Variants in VTI1A observed in about 807,000 individuals in gnomAD.
The protein encoded by VTI1A is vesicle transport through interaction with t-SNAREs homolog 1A.
In VTI1A, 22 loss-of-function variants were observed where a neutral mutation model predicts 34.9. The ratio of observed to expected loss-of-function variants is 0.63; its 90% confidence interval spans 0.45 to 0.90. VTI1A has a LOEUF of 0.90. Among genes scored for constraint, VTI1A ranks in the 40% least tolerant of loss-of-function variants. VTI1A has a pLI of 0.00. For missense variants in VTI1A, 268 were observed against 275.6 expected (o/e 0.97, Z 0.20); for synonymous variants, 87 against 97.3 (o/e 0.89, Z 0.62).
At chr10:112,546,004 G>T (rs756619033) in intron 5 of VTI1A, among the ~76,000 whole-genome samples, 1 of 139,054 alleles carries the variant, frequency 7.2e-6, no homozygotes, top group Non-Finnish European at 1.5e-5. Flanking sequence ...GTGTATACGC[G>T]TATGTGTGTG....
At chr10:112,757,074 T>A in intron 7 of VTI1A, among the ~76,000 whole-genome samples, 1 of 150,708 alleles carries the variant, frequency 6.6e-6, no homozygotes. Context: ...TGCATCATTA[T>A]GCATTCATTC....
At chr10:112,690,195 G>A (rs1355142252) in intron 7 of VTI1A, among the ~76,000 whole-genome samples, 1 of 152,058 alleles carries the variant, frequency 6.6e-6, no homozygotes, top group Non-Finnish European at 1.5e-5. Context: ...CCAGTTTGGG[G>A]CTATTTTAAA....
intron 7 of VTI1A, among the ~76,000 whole-genome samples, chr10:112,751,475 TA>T (rs11411829): frequency 0.011 from 1,160 of 100,982 alleles, 12 homozygotes; most frequent in African/African-American, 0.029. Flanking sequence ...ATTAACTGTT[TA>T]AAAAAAAAAA....
rs538649206 is a variant in VTI1A at position 112,673,378 on chromosome 10, T to C, written c.560+4380T>C. On this transcript the variant is annotated intron_variant, in intron 7 of 7. Transcript: ENST00000393077. ...GAATGGCATAGATGATTAACACCCA[T>C]TCTGTTTGACAATCTCAAATCAAAT... 1.2e-3 allele frequency among the ~76,000 whole-genome samples: 182 copies of C among 151,452 alleles called. 13 individuals carry two copies. The South Asian group carries it at 0.037, about 31-fold the overall frequency.
In VTI1A at chr10:112,811,712, A is replaced by AAAAAAATAT. The variant is rs67154330; in HGVS notation, c.561-3578_561-3577insAAAAAATAT. Reference sequence around the variant, plus strand: ...AAAAAAAAAAAAAAAAAAAAAAAAAAGAGTGCAGTCCATGCCTGGAAGTAG... The same window carrying AAAAAAATAT: ...AAAAAAAAAAAAAAAAAAAAAAAAAAAAAAAATATGAGTGCAGTCCATGCCTGGAAGTAG... On this transcript the variant is annotated intron_variant, in intron 7 of 7. Transcript: ENST00000393077. Among the ~76,000 whole-genome samples the AAAAAAATAT allele has an allele frequency of 2.4e-5, 2 of 84,046 alleles. 1 individual carries two copies. Among genetic ancestry groups the AAAAAAATAT allele is most frequent in the Non-Finnish European group, 4.5e-5 (2 of 44,324 alleles). 55.1% of individuals were successfully genotyped at this position (84,046 alleles called of 152,430 possible). A position where few individuals can be genotyped will look rare whatever the true frequency, so the allele number is the denominator to read the frequency against.
chr10:112,572,819 A>G (rs1852192488), intron 5 of VTI1A, among the ~76,000 whole-genome samples: 1 of 147,638 alleles, frequency 6.8e-6, no homozygotes, highest in African/African-American at 2.5e-5. Context: ...AGACTGGGCG[A>G]CAGAGCGAGA....
At chr10:112,546,923 A>T (rs533871744) in intron 5 of VTI1A, among the ~76,000 whole-genome samples, 70 of 152,256 alleles carry the variant, frequency 4.6e-4, no homozygotes, top group African/African-American at 1.5e-3. Context: ...ATCTCTTTTT[A>T]AAAAATAAAA....
intron 3 of VTI1A, among the ~76,000 whole-genome samples, chr10:112,465,062 G>T (rs1417473515): frequency 2.0e-5 from 3 of 152,150 alleles, no homozygotes; most frequent in African/African-American, 7.2e-5. Context: ...ATGTTTCCAT[G>T]TGTATTTTTC....
At chr10:112,487,147 A>G (rs1032319501) in intron 3 of VTI1A, among the ~76,000 whole-genome samples, 1 of 152,046 alleles carries the variant, frequency 6.6e-6, no homozygotes, top group African/African-American at 2.4e-5. Context: ...TTTTTGAGAC[A>G]GAGTCACACT....
At chr10:112,693,018 C>T (rs1211130417) in intron 7 of VTI1A, among the ~76,000 whole-genome samples, 2 of 152,236 alleles carry the variant, frequency 1.3e-5, no homozygotes, top group Non-Finnish European at 2.9e-5. Flanking sequence ...TGAAATACCA[C>T]AGCAAACACA....
chr10:112,795,337 T>C (rs1011444304), intron 7 of VTI1A, among the ~76,000 whole-genome samples: 1 of 152,150 alleles, frequency 6.6e-6, no homozygotes, highest in African/African-American at 2.4e-5. Context: ...TAAAATAATT[T>C]GAGTGAAGGA....
At chr10:112,537,264 C>G (rs557534461) in intron 4 of VTI1A, among the ~76,000 whole-genome samples, 1 of 139,138 alleles carries the variant, frequency 7.2e-6, no homozygotes, top group East Asian at 2.1e-4. Context: ...TACACACACA[C>G]GCACACACAC....
chr10:112,551,978 G>C (rs1355389590), intron 5 of VTI1A, among the ~76,000 whole-genome samples: 1 of 152,078 alleles, frequency 6.6e-6, no homozygotes. Flanking sequence ...TATTATTTCA[G>C]AGTAACCATC....
intron 7 of VTI1A, among the ~76,000 whole-genome samples, chr10:112,772,604 C>A (rs1564919770): frequency 2.0e-5 from 3 of 152,288 alleles, no homozygotes; most frequent in East Asian, 1.9e-4. Flanking sequence ...ATCTAAGAGT[C>A]TATTGTTAAA....
chr10:112,585,979 C>T (rs887271380), intron 5 of VTI1A, among the ~76,000 whole-genome samples: 2 of 152,088 alleles, frequency 1.3e-5, no homozygotes, highest in Non-Finnish European at 2.9e-5. Flanking sequence ...TGTTTGTATA[C>T]AGTGTATAAA....
At chr10:112,835,596 A>G in the VTI1A span, among the ~76,000 whole-genome samples, 1 of 152,184 alleles carries the variant, frequency 6.6e-6, no homozygotes, top group Non-Finnish European at 1.5e-5. Flanking sequence ...TGATACTGGG[A>G]CTAATGGGGA....
At chr10:112,773,479 A>G (rs1564920119) in intron 7 of VTI1A, among the ~76,000 whole-genome samples, 1 of 152,300 alleles carries the variant, frequency 6.6e-6, no homozygotes, top group African/African-American at 2.4e-5. Context: ...AACCTGCCCC[A>G]TAAACTATCC....
At chr10:112,671,912 A>G (rs921917784) in intron 7 of VTI1A, 3 of 152,014 alleles carry the variant, frequency 2.0e-5, no homozygotes, top group African/African-American at 7.3e-5. Context: ...TCCTTAGTAA[A>G]TATTTAATGT....
rs530790943 is a variant in VTI1A, at chr10:112,593,427, G to GA, written c.427+55103dup. ...CAGGGAGGGCTCTGCAAATAGCACA[G>GA]AAAAAACCTCTTCAGAGCATGTGGG... On this transcript the variant is annotated intron_variant, in intron 5 of 7. Coordinates refer to ENST00000393077, the MANE Select transcript of VTI1A (RefSeq NM_145206.4). Among the ~76,000 whole-genome samples, 6 of 152,170 alleles carry GA rather than the reference G, an allele frequency of 3.9e-5. No individual in the cohort carries two copies. In the East Asian group the frequency reaches 5.8e-4, roughly 15 times the overall value.
Sources: allele counts gnomAD v4.1 joint callset (sites outside exome capture counted in the v4.1 genomes callset), GRCh38; gene constraint gnomAD v4.1.1; transcripts MANE v1.5; gene names NCBI Gene and HGNC (gene_info 2026-07-23, HGNC 2026-07-21).